FGGY: variants seen among roughly 807,000 people sequenced by gnomAD.
The protein encoded by FGGY is FGGY carbohydrate kinase domain-containing protein.
FGGY carries 72 observed loss-of-function variants against 71.3 expected under a neutral mutation model. That is an observed-to-expected ratio of 1.01 (90% CI 0.84 to 1.23). The LOEUF (loss-of-function observed/expected upper bound fraction) is 1.23. Among genes scored for constraint, FGGY ranks in the 50% most tolerant of loss-of-function variants. The pLI is 0.00. For missense variants in FGGY, 668 were observed against 682.3 expected, an observed-to-expected ratio of 0.98 and a Z score of 0.23; for synonymous variants, 251 against 250.3, an observed-to-expected ratio of 1.00 and a Z score of -0.02.
chr1:59,568,302 C>T (rs1271208714), intron 8 of FGGY, among the ~76,000 whole-genome samples: 1 of 152,112 alleles, frequency 6.6e-6, no homozygotes, highest in African/African-American at 2.4e-5. Flanking sequence ...TGAAAAGAGC[C>T]TGTGCTCTCT....
At chr1:59,503,620 A>AC (rs1558148301) in intron 6 of FGGY, among the ~76,000 whole-genome samples, 1 of 134,152 alleles carries the variant, frequency 7.5e-6, no homozygotes, top group South Asian at 2.2e-4. Flanking sequence ...TATATATATA[A>AC]AATATGTATT....
rs1227076866 is a variant in FGGY at position 59,704,054 on chromosome 1, A to G, written c.1512+29921A>G. Among the ~76,000 whole-genome samples, 4 of 152,154 alleles carry G rather than the reference A, an allele frequency of 2.6e-5. No homozygotes were observed. The South Asian group carries it at 6.2e-4, about 24-fold the overall frequency. ...GATTCAAAAGTTCTCAGGCTGTTGA[A>G]CTAGCCTATGCAGTAGTTACTCTGA... is the stretch of plus-strand genomic sequence containing the variant. On this transcript the variant is annotated intron_variant, in intron 14 of 15. Transcript: ENST00000303721.
intron 12 of FGGY, among the ~76,000 whole-genome samples, chr1:59,666,259 C>T (rs964990492): frequency 6.6e-6 from 1 of 152,168 alleles, no homozygotes; most frequent in Non-Finnish European, 1.5e-5. Flanking sequence ...CCCCAGATTG[C>T]TCAATCTCTA....
intron 3 of FGGY, among the ~76,000 whole-genome samples, chr1:59,345,469 G>A (rs1000363114): frequency 3.0e-4 from 46 of 152,146 alleles, no homozygotes; most frequent in African/African-American, 1.1e-3. Flanking sequence ...GGCAGGATAT[G>A]AGGGGCAGTG....
chr1:59,395,345 T>G (rs972999575), intron 5 of FGGY, among the ~76,000 whole-genome samples: 1 of 152,156 alleles, frequency 6.6e-6, no homozygotes, highest in Admixed American at 6.5e-5. Context: ...ATTTTTCCCT[T>G]GGTGTATATT....
intron 7 of FGGY, among the ~76,000 whole-genome samples, chr1:59,542,483 G>C (rs996347911): frequency 5.6e-5 from 5 of 89,462 alleles, no homozygotes; most frequent in Non-Finnish European, 1.0e-4. Flanking sequence ...TTTTGAGATG[G>C]AGTTTCACTC....
At chr1:59,700,120 C>T (rs1174215149) in intron 14 of FGGY, among the ~76,000 whole-genome samples, 6 of 152,110 alleles carry the variant, frequency 3.9e-5, no homozygotes, top group African/African-American at 1.4e-4. Context: ...AACTGACAAA[C>T]AAGTCTTATA....
chr1:59,390,111 T>C (rs2060522660), intron 5 of FGGY, among the ~76,000 whole-genome samples: 1 of 152,188 alleles, frequency 6.6e-6, no homozygotes, highest in African/African-American at 2.4e-5. Context: ...TCTCACCAGC[T>C]TATTTTTTAG....
At chr1:59,653,348 C>T (rs984898072) in intron 11 of FGGY, among the ~76,000 whole-genome samples, 28 of 152,338 alleles carry the variant, frequency 1.8e-4, no homozygotes, top group South Asian at 4.1e-4. Flanking sequence ...GCCCCTCCCC[C>T]AGCCTTGCTG....
chr1:59,468,824 A>T (rs997064011), intron 6 of FGGY, among the ~76,000 whole-genome samples: 1 of 149,142 alleles, frequency 6.7e-6, no homozygotes, highest in East Asian at 2.1e-4. Context: ...GTGAGCCAAG[A>T]TTGCACCACT....
At chr1:59,590,916 A>G (rs1558467744) in intron 8 of FGGY, among the ~76,000 whole-genome samples, 1 of 152,194 alleles carries the variant, frequency 6.6e-6, no homozygotes. Context: ...CCTATTCAAC[A>G]TAGTGTTGGA....
intron 7 of FGGY, among the ~76,000 whole-genome samples, chr1:59,522,654 C>G (rs1558212508): frequency 6.6e-6 from 1 of 152,226 alleles, no homozygotes; most frequent in Non-Finnish European, 1.5e-5. Flanking sequence ...TAATCTTAAT[C>G]TTTTTGTAGT....
At chr1:59,626,852 C>T (rs1449687711) in intron 10 of FGGY, 1 of 148,242 alleles carries the variant, frequency 6.7e-6, no homozygotes, top group African/African-American at 2.5e-5. Flanking sequence ...GAGACTCCGT[C>T]TCAAAAAAAA....
intron 14 of FGGY, chr1:59,697,649 G>A (rs1197512908): frequency 7.7e-7 from 1 of 1,303,184 alleles, no homozygotes; most frequent in Non-Finnish European, 1.0e-6. Context: ...TCTTTCCAGT[G>A]GGGGAAATAG....
chr1:59,589,875 G>A (rs1438413559), intron 8 of FGGY, among the ~76,000 whole-genome samples: 3 of 152,068 alleles, frequency 2.0e-5, no homozygotes, highest in Non-Finnish European at 4.4e-5. Context: ...ACAATTAAAA[G>A]AACTAGAGAA....
Position 59,668,828 on chromosome 1 carries a change from C to CA in FGGY, c.1417+1438dup, listed in dbSNP as rs879545867. On this transcript the variant is annotated intron_variant, in intron 13 of 15. Transcript: ENST00000303721. ...AGAAACCCCATCTCTACTAAAAATA[C>CA]AAAAAAAAAAAAATTAGCCAGGCGT... is the stretch of plus-strand genomic sequence containing the variant. 3.6e-3 allele frequency among the ~76,000 whole-genome samples: 498 copies of CA among 138,906 alleles called. 3 individuals are homozygous for CA. Among genetic ancestry groups the CA allele is most frequent in the African/African-American group, 7.7e-3 (292 of 37,878 alleles). 91.1% of individuals were successfully genotyped at this position (138,906 alleles called of 152,430 possible). A position where few individuals can be genotyped will look rare whatever the true frequency, so the allele number is the denominator to read the frequency against.
intron 9 of FGGY, among the ~76,000 whole-genome samples, chr1:59,619,379 A>C (rs2096787316): frequency 6.6e-6 from 1 of 152,238 alleles, no homozygotes; most frequent in Non-Finnish European, 1.5e-5. Context: ...TAAGTTATTA[A>C]GACAAATAGA....
chr1:59,752,450 G>C (rs2098253759), intron 14 of FGGY, among the ~76,000 whole-genome samples: 1 of 152,094 alleles, frequency 6.6e-6, no homozygotes, highest in African/African-American at 2.4e-5. Flanking sequence ...GTAGTACCTT[G>C]GGCTAGACTA....
At chr1:59,415,328 A>G (rs1253771417) in intron 5 of FGGY, among the ~76,000 whole-genome samples, 1 of 152,208 alleles carries the variant, frequency 6.6e-6, no homozygotes, top group Non-Finnish European at 1.5e-5. Flanking sequence ...TGATTTCACA[A>G]CAAGTGTTGA....
Sources: gnomAD v4.1 joint callset for allele counts (sites outside exome capture counted in the v4.1 genomes callset) on GRCh38, gnomAD v4.1.1 for gene constraint, MANE v1.5 for transcripts, NCBI Gene and HGNC (gene_info 2026-07-23, HGNC 2026-07-21) for gene names.